HECTD4: variants seen among roughly 807,000 people sequenced by gnomAD.
HECTD4 encodes the protein HECT domain E3 ubiquitin protein ligase 4.
In HECTD4, 114 loss-of-function variants were observed where a neutral mutation model predicts 471.5. That is an observed-to-expected ratio of 0.24 (90% CI 0.21 to 0.28). HECTD4 has a LOEUF of 0.28. HECTD4 is among the 10% of genes least tolerant of loss of function. The pLI is 1.00. For missense variants in HECTD4, 3,866 were observed against 5,651.5 expected, an observed-to-expected ratio of 0.68 and a Z score of 10.13; for synonymous variants, 2,012 against 2,256.0, an observed-to-expected ratio of 0.89 and a Z score of 3.07.
rs555402481 is a variant in HECTD4, at chr12:112,274,300, T to G, written c.1802-505A>C. On this transcript the variant is annotated intron_variant, in intron 10 of 75. Transcript: ENST00000682272. Reference sequence around the variant, plus strand: ...GTGGCATAAACCTGAGAATTTCTTATAGGCATCATCACACAACCTAATCAA... The same window carrying G: ...GTGGCATAAACCTGAGAATTTCTTAGAGGCATCATCACACAACCTAATCAA... Among the ~76,000 whole-genome samples the G allele has an allele frequency of 3.9e-5, 6 of 152,366 alleles. No homozygotes were observed. The South Asian group carries it at 1.2e-3, about 32-fold the overall frequency.
Position 112,210,031 on chromosome 12 carries a change from C to T in HECTD4, c.7851G>A (p.Val2617=), listed in dbSNP as rs754364974. 6 of 1,613,578 alleles carry T rather than the reference C, an allele frequency of 3.7e-6. No homozygotes were observed. The South Asian group carries it at 5.5e-5, about 15-fold the overall frequency. The change falls in exon 50 of 76, where the codon GTG becomes GTA. Residue 2617 remains valine, a synonymous_variant. Coordinates refer to ENST00000682272, the MANE Select transcript of HECTD4 (RefSeq NM_001388303.1). ...THGPPCRIAA[V]ATAQQQYDSD... ...GTGACTTACGTTGCTGAGCGGTGGC[C>T]ACGGCAGCAATCCGGCATGGTGGCC...
At position 112,162,997 on chromosome 12, in the gene HECTD4, G is replaced by A. The variant is rs1203363965; in HGVS notation, c.13120+45C>T. ...GCAGCCCCAGTTCCAAACAGAGAAA[G>A]GCTAGTGTGTCCCTACTTGGGACAT... On this transcript the variant is annotated intron_variant, in intron 75 of 75. Transcript: ENST00000682272. This position sits in a 1 kb window ranked among gnomAD's most constrained non-coding sequence, Gnocchi z 5.2. 1 of 1,435,154 alleles carries A rather than the reference G, an allele frequency of 7.0e-7. No individual in the cohort carries two copies. The highest frequency in any genetic ancestry group is 1.4e-5 in the African/African-American group (1 of 71,576). 88.9% of individuals were successfully genotyped at this position (1,435,154 alleles called of 1,614,324 possible). A position where few individuals can be genotyped will look rare whatever the true frequency, so the allele number is the denominator to read the frequency against.
intron 32 of HECTD4, 78 bp from the exon 33 acceptor site, chr12:112,240,105 A>T: frequency 1.4e-6 from 2 of 1,415,194 alleles, no homozygotes; most frequent in South Asian, 2.5e-5. Context: ...CCTCTTGAGA[A>T]ACTCTAGAGT....
intron 62 of HECTD4, among the ~76,000 whole-genome samples, chr12:112,182,522 G>A (rs1045377456): frequency 6.6e-6 from 1 of 152,186 alleles, no homozygotes; most frequent in African/African-American, 2.4e-5. Context: ...CAGTTTACAA[G>A]GGGGACGCAT....
chr12:112,324,078 C>CTTTCTTTCT (rs1299678923), intron 1 of HECTD4, among the ~76,000 whole-genome samples: 1 of 88,926 alleles, frequency 1.1e-5, no homozygotes, highest in Non-Finnish European at 1.9e-5. Flanking sequence ...TTCTTTCTTT[C>CTTTCTTTCT]TTTCTTTCTT....
chr12:112,248,865 A>C (rs1349540450), intron 25 of HECTD4, among the ~76,000 whole-genome samples: 2 of 152,214 alleles, frequency 1.3e-5, no homozygotes, highest in African/African-American at 4.8e-5. Context: ...GATTACAGGC[A>C]TGAGCCACCA....
At chr12:112,286,377 TAAAA>T (rs1220870837) in intron 7 of HECTD4, among the ~76,000 whole-genome samples, 5 of 152,126 alleles carry the variant, frequency 3.3e-5, no homozygotes, top group Non-Finnish European at 7.4e-5. Context: ...AGTGATCATT[TAAAA>T]ATGTAAATAA....
Position 112,160,700 on chromosome 12 carries a change from C to T in HECTD4, c.*1687G>A, listed in dbSNP as rs1354888460. 3 of 152,106 alleles carry T rather than the reference C, an allele frequency of 2.0e-5. No individual in the cohort carries two copies. The highest frequency in any genetic ancestry group is 2.1e-4 in the South Asian group (1 of 4,816). The allele number at this position is 152,106 out of a possible 1,614,324, so 9.4% of individuals were successfully genotyped here. A position where few individuals can be genotyped will look rare whatever the true frequency, so the allele number is the denominator to read the frequency against. ...GGAGGAAAAACCACTTCTAATAAAT[C>T]GAAAGGCTCTTTCATTATGCAGAAA... On this transcript the variant is annotated 3_prime_UTR_variant, in exon 76 of 76. Coordinates refer to ENST00000682272, the MANE Select transcript of HECTD4 (RefSeq NM_001388303.1).
chr12:112,317,344 C>A (rs1409321138), intron 2 of HECTD4, among the ~76,000 whole-genome samples: 1 of 152,138 alleles, frequency 6.6e-6, no homozygotes, highest in East Asian at 1.9e-4. Flanking sequence ...AACACTGGTG[C>A]CATTTTGCCT....
At position 112,178,962 on chromosome 12, in the gene HECTD4, C is replaced by A. The variant is rs569645542; in HGVS notation, c.11332G>T (p.Ala3778Ser). 89 of 1,612,600 alleles carry A rather than the reference C, an allele frequency of 5.5e-5. No individual in the cohort carries two copies. The South Asian group carries it at 7.9e-4, about 14-fold the overall frequency. Residue 3778 changes from alanine (A) to serine (S), a missense_variant, in exon 64 of 76, where the codon GCC (alanine) becomes TCC (serine). Physicochemically the swap from Ala to Ser is moderately conservative, Grantham distance 99. Transcript: ENST00000682272. ...CTGTTGAGCACAGCCTTGTCCTTGG[C>A]GGGCGGCTTGGTGATAGGCCGCTTG... ...STKRPITKPP[A>S]KDKAVLNSVS...
intron 61 of HECTD4, among the ~76,000 whole-genome samples, chr12:112,183,896 G>A (rs1288299643): frequency 7.9e-5 from 12 of 152,196 alleles, no homozygotes; most frequent in Non-Finnish European, 1.3e-4. Flanking sequence ...AAGAACCCAA[G>A]GCCATTCAAG....
At chr12:112,357,727 C>T (rs550952216) in intron 1 of HECTD4, among the ~76,000 whole-genome samples, 1 of 152,256 alleles carries the variant, frequency 6.6e-6, no homozygotes, top group South Asian at 2.1e-4. Flanking sequence ...TCAAAAAAGA[C>T]TCCTAGATTC....
At chr12:112,349,874 T>C (rs1594065826) in intron 1 of HECTD4, among the ~76,000 whole-genome samples, 1 of 152,214 alleles carries the variant, frequency 6.6e-6, no homozygotes, top group South Asian at 2.1e-4. Flanking sequence ...TAAAACAGAC[T>C]GGGAACACAT....
intron 66 of HECTD4, among the ~76,000 whole-genome samples, chr12:112,174,908 CGTGT>C (rs141147690): frequency 6.6e-6 from 1 of 151,750 alleles, no homozygotes; most frequent in South Asian, 2.1e-4. Flanking sequence ...TGAGTAGGGG[CGTGT>C]GTGTGTGTAT....
chr12:112,275,089 G>A (rs1427591858), intron 9 of HECTD4, 129 bp from the exon 10 acceptor site: 7 of 574,054 alleles, frequency 1.2e-5, no homozygotes, highest in Non-Finnish European at 2.1e-5. Context: ...GTGGTAATTG[G>A]TGGTAAAGAG....
chr12:112,370,922 T>C (rs937409729), intron 1 of HECTD4, among the ~76,000 whole-genome samples: 1 of 152,224 alleles, frequency 6.6e-6, no homozygotes. Flanking sequence ...TCTACAACTA[T>C]TGACTAAACA....
intron 64 of HECTD4, among the ~76,000 whole-genome samples, chr12:112,177,203 A>G (rs924289579): frequency 6.6e-6 from 1 of 152,160 alleles, no homozygotes; most frequent in Admixed American, 6.5e-5. Flanking sequence ...TACATAATGA[A>G]TTAACTTTTA....
At chr12:112,371,195 G>C (rs1445690593) in intron 1 of HECTD4, among the ~76,000 whole-genome samples, 1 of 152,154 alleles carries the variant, frequency 6.6e-6, no homozygotes, top group Non-Finnish European at 1.5e-5. Flanking sequence ...TATTTAGCAA[G>C]ACCTTAGGTA....
intron 1 of HECTD4, among the ~76,000 whole-genome samples, chr12:112,329,695 C>G (rs955458345): frequency 6.6e-6 from 1 of 152,120 alleles, no homozygotes; most frequent in Non-Finnish European, 1.5e-5. Flanking sequence ...TAAATGGTAT[C>G]TCAGAGGCAT....
Sources: allele counts gnomAD v4.1 joint callset (sites outside exome capture counted in the v4.1 genomes callset), GRCh38; gene constraint gnomAD v4.1.1; non-coding constraint Gnocchi (gnomAD v3.1); transcripts MANE v1.5; gene names NCBI Gene and HGNC (gene_info 2026-07-23, HGNC 2026-07-21).